SUPT3H: variants seen among roughly 807,000 people sequenced by gnomAD.
SUPT3H encodes SPT3 homolog, SAGA and STAGA complex component.
In SUPT3H, 44 loss-of-function variants were observed where a neutral mutation model predicts 44.3. The ratio of observed to expected loss-of-function variants is 0.99; its 90% CI spans 0.78 to 1.28. The LOEUF (loss-of-function observed/expected upper bound fraction) is 1.28, where lower values mean the gene tolerates loss of function less well. SUPT3H is among the 50% of genes most tolerant of loss of function. SUPT3H has a pLI of 0.00. For synonymous variants in SUPT3H, 124 were observed against 125.6 expected (o/e 0.99, Z 0.09); for missense variants, 380 against 387.1 (o/e 0.98, Z 0.15).
intron 3 of SUPT3H, among the ~76,000 whole-genome samples, chr6:45,039,306 T>C (rs1485078534): frequency 6.6e-6 from 1 of 152,182 alleles, no homozygotes; most frequent in Non-Finnish European, 1.5e-5. Flanking sequence ...TGGATGGGTA[T>C]TGTCCAAACA....
At chr6:45,224,493 T>C (rs1383775634) in intron 2 of SUPT3H, among the ~76,000 whole-genome samples, 2 of 152,130 alleles carry the variant, frequency 1.3e-5, no homozygotes, top group African/African-American at 4.8e-5. Context: ...CTCTATATAT[T>C]ACCATCATTT....
chr6:44,928,331 T>C (rs1423196148), intron 10 of SUPT3H, among the ~76,000 whole-genome samples: 1 of 152,098 alleles, frequency 6.6e-6, no homozygotes, highest in East Asian at 1.9e-4. Flanking sequence ...TTTTTAGAAC[T>C]AAGAAAAACA....
chr6:45,365,447 C>T (rs2295296), intron 1 of SUPT3H, 146 bp from the exon 2 acceptor site: 89,050 of 568,032 alleles, frequency 0.16, 7,877 homozygotes, highest in East Asian at 0.27. Context: ...TTCACTTATA[C>T]TTAATGTTCT....
At chr6:45,101,029 C>T (rs1436427646) in intron 3 of SUPT3H, among the ~76,000 whole-genome samples, 1 of 152,166 alleles carries the variant, frequency 6.6e-6, no homozygotes, top group Non-Finnish European at 1.5e-5. Flanking sequence ...GAAGGGAATT[C>T]TGTCATTTGT....
downstream of SUPT3H, among the ~76,000 whole-genome samples, chr6:44,823,097 G>A (rs111668307): frequency 0.03 from 2,700 of 88,756 alleles, 59 homozygotes; most frequent in South Asian, 0.19. Flanking sequence ...ATGAGACTCC[G>A]TTTCAAAAAA....
chr6:44,973,443 C>T (rs1331871261), intron 6 of SUPT3H, among the ~76,000 whole-genome samples: 1 of 152,238 alleles, frequency 6.6e-6, no homozygotes, highest in Non-Finnish European at 1.5e-5. Context: ...AGCCATTCAA[C>T]AAGTCTGTAG....
At chr6:45,224,644 G>C (rs902346732) in intron 2 of SUPT3H, among the ~76,000 whole-genome samples, 1 of 152,090 alleles carries the variant, frequency 6.6e-6, no homozygotes, top group East Asian at 1.9e-4. Context: ...TGGGCGTGGT[G>C]GTGTGAGCCT....
At chr6:45,213,770 C>A (rs1764524440) in intron 2 of SUPT3H, among the ~76,000 whole-genome samples, 2 of 151,788 alleles carry the variant, frequency 1.3e-5, no homozygotes, top group Non-Finnish European at 2.9e-5. Context: ...AGTTTTTAGT[C>A]CAAGTCACAC....
At chr6:45,210,151 A>T (rs1316007547) in intron 2 of SUPT3H, among the ~76,000 whole-genome samples, 4 of 152,196 alleles carry the variant, frequency 2.6e-5, no homozygotes, top group African/African-American at 9.7e-5. Context: ...GGGACCCCAA[A>T]ATCACTAAGC....
chr6:45,117,201 C>T (rs181082389), intron 2 of SUPT3H, among the ~76,000 whole-genome samples: 152 of 152,098 alleles, frequency 1.0e-3, no homozygotes, highest in Middle Eastern at 3.4e-3. Flanking sequence ...AATTATAAAG[C>T]CCTGTAGCAA....
chr6:45,027,447 T>C (rs1223164939), intron 3 of SUPT3H, among the ~76,000 whole-genome samples: 3 of 152,212 alleles, frequency 2.0e-5, no homozygotes, highest in Non-Finnish European at 4.4e-5. Flanking sequence ...ACATTAATTT[T>C]AACATCTGTG....
chr6:44,953,287 A>C (rs1382012874), intron 9 of SUPT3H, 23 bp downstream of exon 9: 2 of 1,590,056 alleles, frequency 1.3e-6, no homozygotes, highest in Non-Finnish European at 1.7e-6. Flanking sequence ...AAATGTTTTA[A>C]GACAGATTTT....
At chr6:45,277,386 G>A (rs773029041) in intron 2 of SUPT3H, among the ~76,000 whole-genome samples, 6 of 152,130 alleles carry the variant, frequency 3.9e-5, no homozygotes, top group East Asian at 3.9e-4. Context: ...TACAATAAAC[G>A]TACAGGTTTA....
chr6:45,358,434 T>C (rs1277491101), intron 2 of SUPT3H, among the ~76,000 whole-genome samples: 1 of 152,214 alleles, frequency 6.6e-6, no homozygotes, highest in African/African-American at 2.4e-5. Context: ...CATGCTATAA[T>C]GTAGACAAAT....
At chr6:44,882,501 T>C (rs666652) in intron 10 of SUPT3H, among the ~76,000 whole-genome samples, 7,828 of 152,078 alleles carry the variant, frequency 0.051, 266 homozygotes, top group South Asian at 0.13. Flanking sequence ...TTCCAAACAA[T>C]AGAAAAAGAG....
At position 45,180,104 on chromosome 6, in the gene SUPT3H, A is replaced by C. The variant is rs546687443; in HGVS notation, c.102-74098T>G. On this transcript the variant is annotated intron_variant, in intron 2 of 10. Transcript: ENST00000371459. ...AAACAGAGAGCCAAATCATGAGTGA[A>C]CTCCCATTCGCAATTGCTTCAAAGA... 3.2e-4 allele frequency among the ~76,000 whole-genome samples: 44 copies of C among 138,982 alleles called. 1 individual carries two copies. In the East Asian group the frequency reaches 7.1e-3, roughly 23 times the overall value. 91.2% of individuals were successfully genotyped at this position (138,982 alleles called of 152,430 possible).
intron 2 of SUPT3H, among the ~76,000 whole-genome samples, chr6:45,267,275 A>T (rs1263141050): frequency 6.6e-6 from 1 of 152,208 alleles, no homozygotes; most frequent in African/African-American, 2.4e-5. Context: ...AAGACCTAAA[A>T]TTCATGCCCT....
chr6:45,159,017 A>G (rs1173628227), intron 2 of SUPT3H: 8 of 152,190 alleles, frequency 5.3e-5, no homozygotes, highest in African/African-American at 1.9e-4. Context: ...ATAATGTAGT[A>G]TGTCAGGATG....
chr6:45,148,524 T>C (rs1324536), intron 2 of SUPT3H, among the ~76,000 whole-genome samples: 33,152 of 152,094 alleles, frequency 0.22, 4,441 homozygotes, highest in Non-Finnish European at 0.31. Context: ...CTGAACCAAG[T>C]CATACAGGAG....
Sources: gnomAD v4.1 joint callset for allele counts (sites outside exome capture counted in the v4.1 genomes callset) on GRCh38, gnomAD v4.1.1 for gene constraint, MANE v1.5 for transcripts, NCBI Gene and HGNC (gene_info 2026-07-23, HGNC 2026-07-21) for gene names.